The following UNC5D variants were observed in gnomAD, a reference collection of about 807,000 sequenced individuals.
The protein encoded by UNC5D is netrin receptor UNC5D.
A neutral mutation model predicts 105.4 loss-of-function variants in UNC5D; 39 were observed. The ratio of observed to expected loss-of-function variants is 0.37; its 90% CI spans 0.29 to 0.48. The LOEUF is 0.48. UNC5D is among the 20% of genes least tolerant of loss of function. The probability of loss-of-function intolerance (pLI) is 0.98; values close to 1 mark genes in which losing one functional copy is unlikely to be tolerated. For synonymous variants in UNC5D, 452 were observed against 450.4 expected (o/e 1.00, Z -0.04); for missense variants, 991 against 1,202.4 (o/e 0.82, Z 2.60).
At chr8:35,737,446 C>G (rs1202154887) in intron 11 of UNC5D, among the ~76,000 whole-genome samples, 1 of 151,208 alleles carries the variant, frequency 6.6e-6, no homozygotes, top group African/African-American at 2.4e-5. Context: ...GGATTTCTTT[C>G]CAGGGAATAA....
At chr8:35,726,086 C>G (rs1828847511) in intron 9 of UNC5D, 66 bp from the exon 10 acceptor site, 2 of 1,534,812 alleles carry the variant, frequency 1.3e-6, no homozygotes, top group Non-Finnish European at 1.8e-6. Flanking sequence ...TTTGCAGAGG[C>G]AGAAGTACAG....
rs538320516 is a variant in UNC5D, at chr8:35,778,803, A to C, written c.2657+4326A>C. Among the ~76,000 whole-genome samples, 7 of 152,368 alleles carry C rather than the reference A, an allele frequency of 4.6e-5. No individual in the cohort carries two copies. The East Asian group carries it at 1.4e-3, about 29-fold the overall frequency. On this transcript the variant is annotated intron_variant, in intron 16 of 16. Transcript: ENST00000404895. ...TGTTTTCTTACTCTCCTTTTGGTAA[A>C]TGCAAATGTCACTGATGATAATATG...
chr8:35,392,198 C>T (rs1337869293), intron 1 of UNC5D, among the ~76,000 whole-genome samples: 2 of 152,120 alleles, frequency 1.3e-5, no homozygotes, highest in Non-Finnish European at 2.9e-5. Context: ...TGTTCCTTGA[C>T]TAGTAGATCT....
rs1476603402 is a variant in UNC5D at position 35,796,167 on chromosome 8, A to G, written c.*5604A>G. The G allele has an allele frequency of 6.6e-6, 1 of 152,150 alleles. No homozygotes were observed. Among genetic ancestry groups the G allele is most frequent in the African/African-American group, 2.4e-5 (1 of 41,434 alleles). The allele number at this position is 152,150 out of a possible 1,614,324, so 9.4% of individuals were successfully genotyped here. A position where few individuals can be genotyped will look rare whatever the true frequency, so the allele number is the denominator to read the frequency against. ...ACTTAATTTGACATGAAGCTGAAGG[A>G]CTGAGCAAGCCAGAGGAGAGAGGTT... On this transcript the variant is annotated 3_prime_UTR_variant, in exon 17 of 17. Coordinates refer to ENST00000404895, the MANE Select transcript of UNC5D (RefSeq NM_080872.4).
chr8:35,619,514 C>A (rs1248345860), intron 4 of UNC5D, among the ~76,000 whole-genome samples: 1 of 152,252 alleles, frequency 6.6e-6, no homozygotes, highest in East Asian at 1.9e-4. Flanking sequence ...ACTTTTCACT[C>A]GTAGGTGGTA....
At chr8:35,490,301 G>T (rs117053780) in intron 1 of UNC5D, among the ~76,000 whole-genome samples, 8,814 of 152,202 alleles carry the variant, frequency 0.058, 334 homozygotes, top group South Asian at 0.11. Flanking sequence ...CCAGGAATTC[G>T]AGACCAGTCT....
At chr8:35,663,705 A>C (rs531155582) in intron 4 of UNC5D, among the ~76,000 whole-genome samples, 32 of 152,336 alleles carry the variant, frequency 2.1e-4, no homozygotes, top group African/African-American at 7.7e-4. Flanking sequence ...TTTATAAAAT[A>C]AGAGAAAGAT....
chr8:35,774,653 C>T (rs2131741523), intron 16 of UNC5D, among the ~76,000 whole-genome samples, 176 bp downstream of exon 16: 1 of 152,214 alleles, frequency 6.6e-6, no homozygotes, highest in South Asian at 2.1e-4. Flanking sequence ...AACAGTAGGC[C>T]AAGCGTGGTG....
chr8:35,429,450 G>A (rs1019476987), intron 1 of UNC5D, among the ~76,000 whole-genome samples: 1 of 151,968 alleles, frequency 6.6e-6, no homozygotes, highest in Non-Finnish European at 1.5e-5. Context: ...AGCTCAAATG[G>A]TTACTTACAG....
chr8:35,550,776 G>A (rs1370918697), intron 2 of UNC5D, among the ~76,000 whole-genome samples: 3 of 152,162 alleles, frequency 2.0e-5, no homozygotes, highest in Admixed American at 1.3e-4. Flanking sequence ...AGGTATTGTA[G>A]ACTTGATAGC....
At chr8:35,304,218 A>G (rs570000230) in intron 1 of UNC5D, among the ~76,000 whole-genome samples, 1 of 152,208 alleles carries the variant, frequency 6.6e-6, no homozygotes, top group South Asian at 2.1e-4. Flanking sequence ...TGATTTCTCA[A>G]TAATGGCCTC....
chr8:35,557,721 C>T (rs1816652854), intron 2 of UNC5D, among the ~76,000 whole-genome samples: 1 of 151,908 alleles, frequency 6.6e-6, no homozygotes, highest in African/African-American at 2.4e-5. Context: ...AATAAGGACA[C>T]ATCTTTCAAG....
intron 1 of UNC5D, among the ~76,000 whole-genome samples, chr8:35,324,233 C>CAAAAAAAAAAAAAAAA (rs569409228): frequency 6.4e-5 from 4 of 62,798 alleles, no homozygotes; most frequent in Admixed American, 2.2e-4. Flanking sequence ...ACCCTGTCTC[C>CAAAAAAAAAAAAAAAA]AAAAAAAAAA....
chr8:35,336,744 G>T (rs961473985), intron 1 of UNC5D, among the ~76,000 whole-genome samples: 3 of 151,758 alleles, frequency 2.0e-5, no homozygotes, highest in Non-Finnish European at 4.4e-5. Context: ...CTCCCTGGAG[G>T]AGATGATTTT....
chr8:35,569,255 C>T (rs1434539712), intron 3 of UNC5D, among the ~76,000 whole-genome samples: 2 of 152,158 alleles, frequency 1.3e-5, no homozygotes, highest in East Asian at 3.8e-4. Context: ...CTCCATGGAT[C>T]CCCATAAAAC....
intron 13 of UNC5D, 93 bp downstream of exon 13, chr8:35,750,902 TC>T: frequency 6.7e-7 from 1 of 1,492,500 alleles, no homozygotes. Context: ...TTACTGAGGG[TC>T]TAGAAAATGA....
chr8:35,307,018 C>T (rs1190394732), intron 1 of UNC5D, among the ~76,000 whole-genome samples: 1 of 152,096 alleles, frequency 6.6e-6, no homozygotes, highest in Non-Finnish European at 1.5e-5. Flanking sequence ...GTCTATCCCA[C>T]AGTATCCAAT....
intron 4 of UNC5D, among the ~76,000 whole-genome samples, chr8:35,619,140 A>C (rs1821202228): frequency 6.6e-6 from 1 of 152,262 alleles, no homozygotes; most frequent in African/African-American, 2.4e-5. Flanking sequence ...TATGTAAATA[A>C]GCATCTAAAG....
At chr8:35,329,495 A>C (rs1810441993) in intron 1 of UNC5D, among the ~76,000 whole-genome samples, 1 of 151,898 alleles carries the variant, frequency 6.6e-6, no homozygotes, top group Non-Finnish European at 1.5e-5. Context: ...TGGGGTTCTA[A>C]TGAGACCGGA....
Sources: gnomAD v4.1 joint callset for allele counts (sites outside exome capture counted in the v4.1 genomes callset) on GRCh38, gnomAD v4.1.1 for gene constraint, MANE v1.5 for transcripts, NCBI Gene and HGNC (gene_info 2026-07-23, HGNC 2026-07-21) for gene names.